METTL21C: variants seen among roughly 807,000 people sequenced by gnomAD.
METTL21C encodes the protein methyltransferase 21C, AARS1 lysine, also known as protein-lysine methyltransferase METTL21C.
A neutral mutation model predicts 25.9 loss-of-function variants in METTL21C; 21 were observed. The observed-to-expected ratio is 0.81, with a 90% confidence interval of 0.58 to 1.17. The LOEUF (loss-of-function observed/expected upper bound fraction) is 1.17, where lower values mean the gene tolerates loss of function less well. METTL21C is among the 50% of genes most tolerant of loss of function. The pLI, the probability that METTL21C is intolerant of heterozygous loss-of-function variation, is 0.00. For missense variants in METTL21C, 312 were observed against 315.1 expected (o/e 0.99, Z 0.07); for synonymous variants, 125 against 124.7 (o/e 1.00, Z -0.01).
At chr13:102,697,474 C>T (rs1885965333), upstream of METTL21C, among the ~76,000 whole-genome samples, 1 of 152,162 alleles carries the variant, frequency 6.6e-6, no homozygotes. Context: ...AAGGTCAAGC[C>T]ACCCTGGGCC....
upstream of METTL21C, among the ~76,000 whole-genome samples, chr13:102,698,778 G>A (rs1252580515): frequency 2.0e-5 from 3 of 152,140 alleles, no homozygotes; most frequent in African/African-American, 7.2e-5. Context: ...TTTCTCTGCT[G>A]CCTCCTGGCT....
chr13:102,696,090 AT>A (rs927485456), upstream of METTL21C, among the ~76,000 whole-genome samples: 7 of 151,728 alleles, frequency 4.6e-5, no homozygotes, highest in African/African-American at 1.5e-4. Flanking sequence ...TTCTAGGCTT[AT>A]TTTTTTTGTA....
upstream of METTL21C, among the ~76,000 whole-genome samples, chr13:102,695,530 G>A (rs1344151356): frequency 6.6e-6 from 1 of 152,190 alleles, no homozygotes; most frequent in Non-Finnish European, 1.5e-5. Flanking sequence ...CAGGGAGTTG[G>A]ATGAATGGTG....
chr13:102,701,655 G>A, the METTL21C span, among the ~76,000 whole-genome samples: 1 of 152,126 alleles, frequency 6.6e-6, no homozygotes, highest in Non-Finnish European at 1.5e-5. Context: ...ATGTGTGGCT[G>A]TGTGCATACT....
chr13:102,689,316 T>C (rs558710393), intron 2 of METTL21C, among the ~76,000 whole-genome samples: 1 of 152,226 alleles, frequency 6.6e-6, no homozygotes, highest in Non-Finnish European at 1.5e-5. Context: ...GTGAGTAGTT[T>C]GGTGATTTTC....
At chr13:102,698,786 G>A (rs1389816020), upstream of METTL21C, among the ~76,000 whole-genome samples, 2 of 152,180 alleles carry the variant, frequency 1.3e-5, no homozygotes, top group Non-Finnish European at 2.9e-5. Flanking sequence ...CTGCCTCCTG[G>A]CTGTCTCAGT....
chr13:102,691,048 A>G (rs1268825018), intron 1 of METTL21C, 84 bp from the exon 2 acceptor site: 3 of 1,434,848 alleles, frequency 2.1e-6, no homozygotes, highest in Non-Finnish European at 2.9e-6. Context: ...CTAAGATGGC[A>G]TTAGATTGAA....
upstream of METTL21C, among the ~76,000 whole-genome samples, chr13:102,696,383 G>A (rs1217545645): frequency 6.6e-6 from 1 of 152,000 alleles, no homozygotes; most frequent in Non-Finnish European, 1.5e-5. Flanking sequence ...GGACTTAGGG[G>A]ACGGAGAGCA....
intron 1 of METTL21C, among the ~76,000 whole-genome samples, chr13:102,692,009 G>C (rs1356873870): frequency 6.6e-6 from 1 of 151,986 alleles, no homozygotes; most frequent in Non-Finnish European, 1.5e-5. Flanking sequence ...AAAAGGTGTT[G>C]GTCCCAGCGG....
chr13:102,692,989 T>A lies in METTL21C; in HGVS notation c.130+1380A>T, dbSNP rs140089216. Among the ~76,000 whole-genome samples, 355 of 152,280 alleles carry A rather than the reference T, an allele frequency of 2.3e-3. 1 individual carries two copies. Among genetic ancestry groups the A allele is most frequent in the African/African-American group, 8.3e-3 (344 of 41,552 alleles). ...GAAGGCCGAAAAATAGGGTGATTAA[T>A]GTTTAATAACTAGTTCAGCAAGAGG... On this transcript the variant is annotated intron_variant, in intron 1 of 3. Coordinates refer to ENST00000267273, the MANE Select transcript of METTL21C (RefSeq NM_001010977.3).
In METTL21C at chr13:102,694,896, TCTCTCACA is replaced by T. The variant is rs1363760019; in HGVS notation, c.-406_-399del. On this transcript the variant is annotated 5_prime_UTR_variant, in exon 1 of 4. The change abolishes the stop of an existing upstream ORF in the 5' untranslated region. Transcript: ENST00000267273. ...CTTTCTCTCTCTCTCTCTCTCTCTC[TCTCTCACA>T]CACACACACACACACACACACACAC... 4.2e-5 allele frequency among the ~76,000 whole-genome samples: 6 copies of T among 142,394 alleles called. No homozygotes were observed. The highest frequency in any genetic ancestry group is 1.3e-4 in the African/African-American group (5 of 37,452). The allele number at this position is 142,394 out of a possible 152,430, so 93.4% of individuals were successfully genotyped here.
chr13:102,698,474 T>C (rs1885982583), upstream of METTL21C, among the ~76,000 whole-genome samples: 1 of 152,182 alleles, frequency 6.6e-6, no homozygotes, highest in South Asian at 2.1e-4. Context: ...AGATAACAAC[T>C]AGAACCTTAT....
At chr13:102,703,842 C>T in the METTL21C span, among the ~76,000 whole-genome samples, 1 of 152,338 alleles carries the variant, frequency 6.6e-6, no homozygotes, top group South Asian at 2.1e-4. Flanking sequence ...AGAGATTAAA[C>T]TTCTTCCTTC....
At chr13:102,700,973 C>T in the METTL21C span, among the ~76,000 whole-genome samples, 8 of 151,910 alleles carry the variant, frequency 5.3e-5, no homozygotes, top group Non-Finnish European at 8.8e-5. Context: ...AATCATGCTC[C>T]GATTTTAGCA....
At chr13:102,692,528 C>G (rs7990562) in intron 1 of METTL21C, among the ~76,000 whole-genome samples, 13,175 of 152,104 alleles carry the variant, frequency 0.087, 1,082 homozygotes, top group African/African-American at 0.21. Context: ...TCTAGAAATT[C>G]ATTTTTGTTG....
upstream of METTL21C, among the ~76,000 whole-genome samples, chr13:102,695,866 A>G (rs599976): frequency 0.13 from 20,356 of 152,276 alleles, 1,350 homozygotes; most frequent in Middle Eastern, 0.2. Flanking sequence ...GATAGTCATC[A>G]GTACAATTCT....
upstream of METTL21C, among the ~76,000 whole-genome samples, chr13:102,695,836 C>T (rs1366885103): frequency 6.6e-6 from 1 of 152,108 alleles, no homozygotes; most frequent in Non-Finnish European, 1.5e-5. Context: ...GTCATCAGTC[C>T]CTATGAGAAA....
rs1158670041 is a variant in METTL21C at position 102,686,395 on chromosome 13, TC to T, written c.430del (p.Asp144MetfsTer11). 1 of 1,613,120 alleles carries T rather than the reference TC, an allele frequency of 6.2e-7. No individual in the cohort carries two copies. The highest frequency in any genetic ancestry group is 2.2e-5 in the East Asian group (1 of 44,888). On this transcript the variant is annotated frameshift_variant, in exon 4 of 4. Coordinates refer to ENST00000267273, the MANE Select transcript of METTL21C (RefSeq NM_001010977.3). LOFTEE classifies it low-confidence loss of function (END_TRUNC). ...ATTGTATTGAAGGTTTCCCAGGACA[TC>T]AGGCAAATCTGTTGCTGTGACTTGA... ...GAQVTATDLPDVLGNLQYNLL... is the reference protein window; with the variant it reads ...GAQVTATDLPXVLGNLQYNLL...
the METTL21C span, among the ~76,000 whole-genome samples, chr13:102,701,999 A>T: frequency 2.6e-5 from 4 of 152,154 alleles, no homozygotes; most frequent in South Asian, 8.3e-4. Context: ...ACTCGTCTCT[A>T]CTAACAATAC....
Sources: gnomAD v4.1 joint callset for allele counts (sites outside exome capture counted in the v4.1 genomes callset) on GRCh38, gnomAD v4.1.1 for gene constraint, MANE v1.5 for transcripts, NCBI Gene and HGNC (gene_info 2026-07-23, HGNC 2026-07-21) for gene names.